Variants in DEUP1 observed in about 807,000 individuals in gnomAD.
DEUP1 encodes the protein coiled-coil domain containing 67.
DEUP1 carries 82 observed loss-of-function variants against 87.4 expected under a neutral mutation model. The ratio of observed to expected loss-of-function variants is 0.94; its 90% confidence interval spans 0.78 to 1.13. DEUP1 has a LOEUF of 1.13. DEUP1 is among the 50% of genes most tolerant of loss of function. The pLI, the probability that DEUP1 is intolerant of heterozygous loss-of-function variation, is 0.00. For synonymous variants in DEUP1, 214 were observed against 222.7 expected, an observed-to-expected ratio of 0.96 and a Z score of 0.35; for missense variants, 663 against 681.5, an observed-to-expected ratio of 0.97 and a Z score of 0.30.
intron 2 of DEUP1, among the ~76,000 whole-genome samples, chr11:93,339,931 T>A (rs1046935743): frequency 1.3e-5 from 2 of 152,120 alleles, no homozygotes; most frequent in Non-Finnish European, 2.9e-5. Flanking sequence ...GGCATTCTAT[T>A]CCCCTGCTGG....
intron 12 of DEUP1, among the ~76,000 whole-genome samples, chr11:93,412,705 A>G (rs1182014872): frequency 6.6e-6 from 1 of 152,134 alleles, no homozygotes; most frequent in East Asian, 1.9e-4. Flanking sequence ...AATCGCTACT[A>G]ATTTTTTTTC....
intron 7 of DEUP1, among the ~76,000 whole-genome samples, chr11:93,376,556 C>T (rs1317114668): frequency 6.6e-6 from 1 of 152,030 alleles, no homozygotes; most frequent in African/African-American, 2.4e-5. Flanking sequence ...TTTCATTCAC[C>T]TTTTCAAAGA....
chr11:93,371,564 T>C (rs556459430), intron 7 of DEUP1, among the ~76,000 whole-genome samples: 2 of 152,316 alleles, frequency 1.3e-5, no homozygotes, highest in African/African-American at 4.8e-5. Context: ...TTTAGCCATG[T>C]ACTACCCTCT....
chr11:93,381,273 T>C (rs12805883), intron 7 of DEUP1, among the ~76,000 whole-genome samples: 2,260 of 152,278 alleles, frequency 0.015, 17 homozygotes, highest in Non-Finnish European at 0.024. Flanking sequence ...TTTTACCAAA[T>C]GGGAATAATT....
chr11:93,367,461 T>C (rs1330810647), intron 5 of DEUP1, among the ~76,000 whole-genome samples: 2 of 152,164 alleles, frequency 1.3e-5, no homozygotes, highest in Non-Finnish European at 2.9e-5. Flanking sequence ...ACTGTTCCAA[T>C]TTGATATATT....
chr11:93,353,267 A>G (rs1371975611), intron 2 of DEUP1, among the ~76,000 whole-genome samples: 1 of 152,196 alleles, frequency 6.6e-6, no homozygotes, highest in African/African-American at 2.4e-5. Context: ...ATTATCTCCT[A>G]TGACTTCAGG....
intron 8 of DEUP1, among the ~76,000 whole-genome samples, chr11:93,387,822 G>A (rs533542370): frequency 2.0e-5 from 3 of 152,146 alleles, no homozygotes; most frequent in South Asian, 2.1e-4. Context: ...AATGGAAAAT[G>A]CTCACAATAT....
chr11:93,409,513 G>A (rs1947375734), intron 12 of DEUP1, among the ~76,000 whole-genome samples: 1 of 152,074 alleles, frequency 6.6e-6, no homozygotes, highest in African/African-American at 2.4e-5. Context: ...CACTGTGATT[G>A]TCCAACAAGG....
intron 2 of DEUP1, among the ~76,000 whole-genome samples, chr11:93,336,240 G>A (rs1943757328): frequency 6.6e-6 from 1 of 152,144 alleles, no homozygotes; most frequent in Non-Finnish European, 1.5e-5. Flanking sequence ...CAGAGCAGGA[G>A]GGAGAGAGAG....
At chr11:93,366,030 T>C (rs1945399176) in intron 5 of DEUP1, among the ~76,000 whole-genome samples, 2 of 152,220 alleles carry the variant, frequency 1.3e-5, no homozygotes, top group South Asian at 2.1e-4. Context: ...CAAGATTCCA[T>C]GTTGTCATCA....
chr11:93,436,917 C>T (rs903637963), intron 13 of DEUP1, among the ~76,000 whole-genome samples: 4 of 152,052 alleles, frequency 2.6e-5, no homozygotes, highest in African/African-American at 9.7e-5. Context: ...AAGCACTAAA[C>T]AGGTCACAAA....
At chr11:93,421,204 G>T (rs1435268194) in intron 13 of DEUP1, among the ~76,000 whole-genome samples, 1 of 33,514 alleles carries the variant, frequency 3.0e-5, no homozygotes. Context: ...TTCCCTTTCC[G>T]AGTCAAAGAA....
chr11:93,384,751 T>C (rs778024815), intron 7 of DEUP1, among the ~76,000 whole-genome samples: 3 of 152,216 alleles, frequency 2.0e-5, no homozygotes, highest in Non-Finnish European at 4.4e-5. Context: ...ATTTCATGCA[T>C]TGTACTTTCT....
At chr11:93,373,624 C>CATAT (rs1945865108) in intron 7 of DEUP1, among the ~76,000 whole-genome samples, 5 of 78,880 alleles carry the variant, frequency 6.3e-5, no homozygotes, top group South Asian at 3.4e-4. Flanking sequence ...TATATATATA[C>CATAT]GTATATATAT....
chr11:93,347,763 G>A lies in DEUP1; in HGVS notation c.30-7608G>A, dbSNP rs530189263. On this transcript the variant is annotated intron_variant, in intron 2 of 13. Coordinates refer to ENST00000298050, the MANE Select transcript of DEUP1 (RefSeq NM_181645.4). Reference sequence around the variant, plus strand: ...TTTTTGTTTTTTCGTTTTTTTAGGCGGAGTCTTGCTTTGATGCCCAGGCTG... The same window carrying A: ...TTTTTGTTTTTTCGTTTTTTTAGGCAGAGTCTTGCTTTGATGCCCAGGCTG... Among the ~76,000 whole-genome samples, 236 of 151,940 alleles carry A rather than the reference G, an allele frequency of 1.6e-3. 1 individual carries two copies. The highest frequency in any genetic ancestry group is 5.4e-3 in the African/African-American group (222 of 41,432).
intron 7 of DEUP1, among the ~76,000 whole-genome samples, chr11:93,380,723 G>A (rs924970083): frequency 6.6e-6 from 1 of 151,980 alleles, no homozygotes; most frequent in Non-Finnish European, 1.5e-5. Context: ...AACTTTTAAT[G>A]TGACTGATAT....
At chr11:93,358,654 C>G (rs3019226) in intron 4 of DEUP1, among the ~76,000 whole-genome samples, 151,289 of 152,262 alleles carry the variant, frequency 0.99, 75,169 homozygotes, top group South Asian at 1. Context: ...CATGATCTCC[C>G]CTCACTGCAA....
At chr11:93,396,393 C>T (rs1946947815) in intron 11 of DEUP1, 68 bp downstream of exon 11, 5 of 967,974 alleles carry the variant, frequency 5.2e-6, no homozygotes, top group African/African-American at 3.3e-5. Context: ...TTAACCTAGA[C>T]ATCATTTATT....
chr11:93,361,414 AT>A (rs952010058), intron 4 of DEUP1, among the ~76,000 whole-genome samples: 2 of 152,238 alleles, frequency 1.3e-5, no homozygotes, highest in African/African-American at 4.8e-5. Flanking sequence ...TATTTTCTAA[AT>A]TTTTTGATAG....
Sources: allele counts gnomAD v4.1 joint callset (sites outside exome capture counted in the v4.1 genomes callset), GRCh38; gene constraint gnomAD v4.1.1; transcripts MANE v1.5; gene names NCBI Gene and HGNC (gene_info 2026-07-23, HGNC 2026-07-21).